The following ABCA3 variants were observed in gnomAD, a reference collection of about 807,000 sequenced individuals.
The protein encoded by ABCA3 is phospholipid-transporting ATPase ABCA3.
A neutral mutation model predicts 172.8 loss-of-function variants in ABCA3; 88 were observed. The observed-to-expected ratio is 0.51, with a 90% CI of 0.43 to 0.61. The LOEUF (loss-of-function observed/expected upper bound fraction) is 0.61, where lower values mean the gene tolerates loss of function less well. Ranked by LOEUF, ABCA3 falls within the 20% of genes least tolerant of loss-of-function variation. The pLI is 0.00. For missense variants in ABCA3, 2,164 were observed against 2,301.0 expected, an observed-to-expected ratio of 0.94 and a Z score of 1.22; for synonymous variants, 1,066 against 983.8, an observed-to-expected ratio of 1.08 and a Z score of -1.56.
In ABCA3 at chr16:2,278,564, T is replaced by C; in HGVS notation, c.4548-106A>G. 1 of 1,407,022 alleles carries C rather than the reference T, an allele frequency of 7.1e-7. No individual in the cohort carries two copies. Among genetic ancestry groups the C allele is most frequent in the Non-Finnish European group, 9.8e-7 (1 of 1,018,782 alleles). 87.2% of individuals were successfully genotyped at this position (1,407,022 alleles called of 1,614,324 possible). ...CCAGCAGCGGCCCACACCCAGCAAT[T>C]GCAGAACAGCCCTAGTGAAGAGGAA... is the stretch of plus-strand genomic sequence containing the variant. On this transcript the variant is annotated intron_variant, in intron 29 of 32. Coordinates refer to ENST00000301732, the MANE Select transcript of ABCA3 (RefSeq NM_001089.3). This position sits in a 1 kb window ranked among gnomAD's most constrained non-coding sequence, Gnocchi z 4.4.
In ABCA3 at chr16:2,297,694, C is replaced by T. The variant is rs967976820; in HGVS notation, c.2052+72G>A. 1.5e-5 allele frequency: 24 copies of T among 1,598,570 alleles called. No homozygotes were observed. Among genetic ancestry groups the T allele is most frequent in the African/African-American group, 6.7e-5 (5 of 74,810 alleles). ...CTGGGGTGTCAAGGGCCAAGGTGCC[C>T]GGGCCATGGCGGAAGGGCCATCCCA... On this transcript the variant is annotated intron_variant, in intron 16 of 32. Coordinates refer to ENST00000301732, the MANE Select transcript of ABCA3 (RefSeq NM_001089.3). The surrounding 1 kb of genome is among the most constrained non-coding windows in gnomAD (Gnocchi z 5.6).
rs755882256 is a variant in ABCA3, at chr16:2,299,420, G to A, written c.1724C>T (p.Thr575Ile). The A allele has an allele frequency of 1.1e-5, 17 of 1,613,696 alleles. No homozygotes were observed. The highest frequency in any genetic ancestry group is 1.4e-5 in the Non-Finnish European group (16 of 1,179,978). Residue 575 changes from threonine to isoleucine, a missense_variant, in exon 14 of 33, where the codon ACC becomes ATC. Thr to Ile is a moderately conservative substitution (Grantham distance 89). Transcript: ENST00000301732. ...LGHNGAGKTT[T>I]LSMLTGLFPP... ...GCCCTCACCTGTGAGCATGGAGAGG[G>A]TGGTGGTCTTCCCGGCACCGTTGTG...
Position 2,313,708 on chromosome 16 carries a change from C to G in ABCA3, c.1111+3575G>C, listed in dbSNP as rs546461289. 4.6e-4 allele frequency among the ~76,000 whole-genome samples: 69 copies of G among 151,592 alleles called. No homozygotes were observed. The Middle Eastern group carries it at 0.01, about 22-fold the overall frequency. On this transcript the variant is annotated intron_variant, in intron 10 of 32. Coordinates refer to ENST00000301732, the MANE Select transcript of ABCA3 (RefSeq NM_001089.3). ...TCACTTGAGGTCAGGAGTTTGAGAC[C>G]AGCCTGGACAACATGGCAAAACACG...
rs749485914 is a variant in ABCA3, at chr16:2,326,156, G to A, written c.173C>T (p.Pro58Leu). Residue 58 changes from proline to leucine, a missense_variant, in exon 5 of 33, where the codon CCG (proline) becomes CTG (leucine). This residue lies in a region of ABCA3 where 1,343 missense variants were observed against 1,369.6 expected (regional missense o/e 0.98). Coordinates refer to ENST00000301732, the MANE Select transcript of ABCA3 (RefSeq NM_001089.3). ...AGGCAGCTCCTGGATGGACTGGCCCGGGTAGATGGTGGCGTTGGGCACATT... is the reference window on the plus strand; with the variant it reads ...AGGCAGCTCCTGGATGGACTGGCCCAGGTAGATGGTGGCGTTGGGCACATT... Reference protein sequence around the residue: ...SENVPNATIYPGQSIQELPLF... With the variant: ...SENVPNATIYLGQSIQELPLF... 1.5e-5 allele frequency: 24 copies of A among 1,614,072 alleles called. No individual in the cohort carries two copies. The highest frequency in any genetic ancestry group is 6.7e-5 in the East Asian group (3 of 44,894).
intron 7 of ABCA3, among the ~76,000 whole-genome samples, chr16:2,320,556 ATTT>A (rs879654171): frequency 7.1e-6 from 1 of 140,236 alleles, no homozygotes; most frequent in Non-Finnish European, 1.6e-5. Context: ...CGCCCAGCTA[ATTT>A]TTTTTTTTTT....
intron 8 of ABCA3, among the ~76,000 whole-genome samples, chr16:2,318,569 G>C (rs1157213913): frequency 1.3e-5 from 2 of 150,718 alleles, no homozygotes; most frequent in Admixed American, 1.3e-4. Flanking sequence ...CTGGAGTGCA[G>C]TGGTGCGATC....
In ABCA3 at chr16:2,303,853, T is replaced by C. The variant is rs1199223652; in HGVS notation, c.1467+116A>G. 134 of 1,200,968 alleles carry C rather than the reference T, an allele frequency of 1.1e-4. 2 individuals carry two copies. In the South Asian group the frequency reaches 1.7e-3, roughly 15 times the overall value. 74.4% of individuals were successfully genotyped at this position (1,200,968 alleles called of 1,614,324 possible). A position where few individuals can be genotyped will look rare whatever the true frequency, so the allele number is the denominator to read the frequency against. ...CCTGTGCACAGGGCAGGGTTCTGTG[T>C]GCCAGCCCCACGCAGGTGCTGCATG... On this transcript the variant is annotated intron_variant, in intron 12 of 32. Transcript: ENST00000301732.
intron 8 of ABCA3, among the ~76,000 whole-genome samples, chr16:2,319,320 C>T (rs1411247899): frequency 6.6e-6 from 1 of 151,242 alleles, no homozygotes; most frequent in East Asian, 1.9e-4. Flanking sequence ...CACGTCTCTA[C>T]TAAAAATACA....
At chr16:2,293,832 C>T (rs2093675814) in intron 18 of ABCA3, among the ~76,000 whole-genome samples, 1 of 151,938 alleles carries the variant, frequency 6.6e-6, no homozygotes, top group African/African-American at 2.4e-5. Flanking sequence ...AGCCACCGTG[C>T]CTGGCCATGT....
At chr16:2,310,109 T>C (rs1414082913) in intron 10 of ABCA3, among the ~76,000 whole-genome samples, 2 of 152,006 alleles carry the variant, frequency 1.3e-5, no homozygotes, top group African/African-American at 2.4e-5. Context: ...AACATACATT[T>C]ATGAAAAAAA....
At chr16:2,314,679 C>A (rs1352208197) in intron 10 of ABCA3, among the ~76,000 whole-genome samples, 3 of 151,894 alleles carry the variant, frequency 2.0e-5, no homozygotes, top group Non-Finnish European at 4.4e-5. Flanking sequence ...TGGGTTCAAG[C>A]AATTCTCCTG....
chr16:2,295,183 G>C (rs944344045), intron 18 of ABCA3, among the ~76,000 whole-genome samples: 2 of 152,110 alleles, frequency 1.3e-5, no homozygotes, highest in African/African-American at 4.8e-5. Context: ...GTGATGAGCA[G>C]GTGGTAACAT....
At chr16:2,332,494 G>T in intron 1 of ABCA3, 2 of 928,718 alleles carry the variant, frequency 2.2e-6, no homozygotes, top group Non-Finnish European at 3.5e-6. Context: ...TTTGGAGATG[G>T]ACTGACGGGT....
At chr16:2,332,347 C>G in intron 1 of ABCA3, 1 of 765,672 alleles carries the variant, frequency 1.3e-6, no homozygotes, top group South Asian at 1.4e-5. Flanking sequence ...AGCACAGGCA[C>G]CAGGGCTTCT....
At chr16:2,308,701 AC>A (rs1883625313) in intron 10 of ABCA3, 78 bp from the exon 11 acceptor site, 2 of 1,561,652 alleles carry the variant, frequency 1.3e-6, no homozygotes, top group Admixed American at 1.8e-5. Flanking sequence ...GGTACAGGCA[AC>A]CCCCTACTCC....
rs532180511 is a variant in ABCA3, at chr16:2,276,601, G to A, written c.*73C>T. The A allele has an allele frequency of 5.0e-6, 8 of 1,591,880 alleles. No individual in the cohort carries two copies. In the African/African-American group the frequency reaches 6.7e-5, roughly 13 times the overall value. On this transcript the variant is annotated 3_prime_UTR_variant, in exon 33 of 33. Coordinates refer to ENST00000301732, the MANE Select transcript of ABCA3 (RefSeq NM_001089.3). Reference sequence around the variant, plus strand: ...TAAAAATAAAGGATGAGATAAACTTGGAGAGAGAGGATGTAAGATGGGCCC... The same window carrying A: ...TAAAAATAAAGGATGAGATAAACTTAGAGAGAGAGGATGTAAGATGGGCCC...
At chr16:2,321,750 C>T (rs970008301) in intron 7 of ABCA3, among the ~76,000 whole-genome samples, 1 of 152,190 alleles carries the variant, frequency 6.6e-6, no homozygotes, top group Non-Finnish European at 1.5e-5. Flanking sequence ...TAACCAAGAT[C>T]TGGCTTCCAT....
chr16:2,281,275 G>C lies in ABCA3; in HGVS notation c.4165-54C>G. ...TGCGGAGGCCTGGACGCAAAGCAGA[G>C]CAGTCTGAGCCTCAGCGCCGAAAGC... On this transcript the variant is annotated intron_variant, in intron 27 of 32. Coordinates refer to ENST00000301732, the MANE Select transcript of ABCA3 (RefSeq NM_001089.3). This position sits in a 1 kb window ranked among gnomAD's most constrained non-coding sequence, Gnocchi z 4.7. 1.2e-6 allele frequency: 2 copies of C among 1,613,150 alleles called. No homozygotes were observed.
intron 6 of ABCA3, among the ~76,000 whole-genome samples, 169 bp downstream of exon 6, chr16:2,324,235 C>T (rs1468902334): frequency 1.3e-5 from 2 of 152,148 alleles, no homozygotes; most frequent in Admixed American, 6.6e-5. Flanking sequence ...ATCCCCTTGG[C>T]GGGGACTGTG....
Sources: allele counts gnomAD v4.1 joint callset (sites outside exome capture counted in the v4.1 genomes callset), GRCh38; gene constraint gnomAD v4.1.1; regional missense constraint gnomAD v4.1.1; non-coding constraint Gnocchi (gnomAD v3.1); transcripts MANE v1.5; gene names NCBI Gene and HGNC (gene_info 2026-07-23, HGNC 2026-07-21).